The following ALB variants were observed in gnomAD, a reference collection of about 807,000 sequenced individuals.
The protein encoded by ALB is serum albumin.
Under a neutral mutation model 74.5 loss-of-function variants are expected in ALB, and 37 were observed. That is an observed-to-expected ratio of 0.50 (90% CI 0.38 to 0.65). ALB has a LOEUF of 0.65. Ranked by LOEUF, ALB falls within the 30% of genes least tolerant of loss-of-function variation. The pLI, the probability that ALB is intolerant of heterozygous loss-of-function variation, is 0.00. For synonymous variants in ALB, 249 were observed against 251.6 expected (o/e 0.99, Z 0.10); for missense variants, 685 against 718.7 (o/e 0.95, Z 0.54).
chr4:73,419,474 GT>G (rs11351486), intron 12 of ALB, 32 bp from the exon 13 acceptor site: 31,809 of 1,258,884 alleles, frequency 0.025, 81 homozygotes, highest in Middle Eastern at 0.043. Flanking sequence ...TGTTTTTTCT[GT>G]TTTTTTTTTT....
chr4:73,406,818 T>C, intron 3 of ALB, 57 bp downstream of exon 3: 1 of 1,598,038 alleles, frequency 6.3e-7, no homozygotes, highest in Non-Finnish European at 8.5e-7. Flanking sequence ...TCCCAAGCAT[T>C]TCAAAGGAAT....
At chr4:73,408,429 A>G (rs529534195) in intron 3 of ALB, among the ~76,000 whole-genome samples, 165 bp from the exon 4 acceptor site, 1 of 152,262 alleles carries the variant, frequency 6.6e-6, no homozygotes, top group East Asian at 1.9e-4. Flanking sequence ...TTATATAGAG[A>G]TGGTTAAATC....
rs1718838217 is a variant in ALB, at chr4:73,410,298, A to G, written c.616-14A>G. 6.2e-7 allele frequency: 1 copy of G among 1,606,606 alleles called. No homozygotes were observed. The highest frequency in any genetic ancestry group is 1.1e-5 in the South Asian group (1 of 90,948). On this transcript the variant is annotated splice_polypyrimidine_tract_variant and intron_variant, in intron 5 of 14. Coordinates refer to ENST00000295897, the MANE Select transcript of ALB (RefSeq NM_000477.7). ...TTTTTCTTCTAATTTTCATCAAATT[A>G]TTCCTTTTTGTAGCTCGATGAACTT... is the stretch of plus-strand genomic sequence containing the variant.
chr4:73,418,183 G>A lies in ALB; in HGVS notation c.1524G>A (p.Arg508=), dbSNP rs1374770580. 6.2e-7 allele frequency: 1 copy of A among 1,614,010 alleles called. No individual in the cohort carries two copies. The highest frequency in any genetic ancestry group is 1.1e-5 in the South Asian group (1 of 91,088). ...GCTGCACAGAATCCTTGGTGAACAG[G>A]CGACCATGCTTTTCAGCTCTGGAAG... The part of the protein sequence containing the change: ...TKCCTESLVN[R]RPCFSALEVD... The change falls in exon 12 of 15, where the codon AGG becomes AGA. Residue 508 remains arginine, a synonymous_variant. Transcript: ENST00000295897.
chr4:73,414,981 T>C (rs560070629), intron 8 of ALB, 54 bp from the exon 9 acceptor site: 1 of 1,597,652 alleles, frequency 6.3e-7, no homozygotes, highest in South Asian at 1.1e-5. Flanking sequence ...AGCTTTGTGA[T>C]ATTTTTTGTG....
rs1719134569 is a variant in ALB at position 73,421,253 on chromosome 4, C to A, written c.*185C>A. On this transcript the variant is annotated 3_prime_UTR_variant, in exon 15 of 15. Coordinates refer to ENST00000295897, the MANE Select transcript of ALB (RefSeq NM_000477.7). ...TCAATTAATAAAAAATGGAAAGAAT[C>A]TAATAGAGTGGTACAGCACTGTTAT... 1.7e-6 allele frequency: 1 copy of A among 592,202 alleles called. No homozygotes were observed. The allele number at this position is 592,202 out of a possible 1,614,324, so 36.7% of individuals were successfully genotyped here.
rs148571509 is a variant in ALB, at chr4:73,409,455, G to A, written c.583G>A (p.Ala195Thr). 2.0e-5 allele frequency: 32 copies of A among 1,613,886 alleles called. No homozygotes were observed. The highest frequency in any genetic ancestry group is 2.6e-5 in the Non-Finnish European group (31 of 1,179,870). ...YKAAFTECCQ[A>T]ADKAACLLPK... ...AGCTGCTTTTACAGAATGTTGCCAA[G>A]CTGCTGATAAAGCTGCCTGCCTGTT... The change falls in exon 5 of 15, where the codon GCT becomes ACT. Residue 195 changes from alanine (A) to threonine (T), a missense_variant. Coordinates refer to ENST00000295897, the MANE Select transcript of ALB (RefSeq NM_000477.7).
chr4:73,412,808 G>T (rs1718913728), intron 7 of ALB, among the ~76,000 whole-genome samples: 1 of 152,162 alleles, frequency 6.6e-6, no homozygotes, highest in South Asian at 2.1e-4. Flanking sequence ...GAGATTTTTG[G>T]AAATGATGTA....
intron 4 of ALB, 22 bp from the exon 5 acceptor site, chr4:73,409,331 CTG>C: frequency 1.2e-6 from 2 of 1,609,118 alleles, no homozygotes; most frequent in Non-Finnish European, 1.7e-6. Flanking sequence ...AGAAAAGTGA[CTG>C]TTTTTCTTTT....
intron 1 of ALB, 175 bp from the exon 2 acceptor site, chr4:73,404,941 T>C (rs1210735024): frequency 3.1e-6 from 2 of 650,234 alleles, no homozygotes; most frequent in Non-Finnish European, 5.5e-6. Context: ...ATTCTTCTGT[T>C]TAAAGGCAGA....
chr4:73,415,350 G>C (rs1718987038), intron 9 of ALB, 183 bp downstream of exon 9: 1 of 714,768 alleles, frequency 1.4e-6, no homozygotes, highest in Non-Finnish European at 2.3e-6. Flanking sequence ...ACAAAATTTA[G>C]ACTAGTTAGA....
At chr4:73,413,259 C>A in intron 7 of ALB, 161 bp from the exon 8 acceptor site, 2 of 703,242 alleles carry the variant, frequency 2.8e-6, no homozygotes, top group East Asian at 2.7e-5. Context: ...GTAGTCCTAT[C>A]TACATCTCCA....
chr4:73,404,407 G>T lies in ALB; in HGVS notation c.79+1G>T. ...AGGGGTGTGTTTCGTCGAGATGCAC[G>T]TAAGAAATCCATTTTTCTATTGTTC... On this transcript the variant is annotated splice_donor_variant, in intron 1 of 14. Coordinates refer to ENST00000295897, the MANE Select transcript of ALB (RefSeq NM_000477.7). LOFTEE classifies it high-confidence loss of function. 3 of 1,608,304 alleles carry T rather than the reference G, an allele frequency of 1.9e-6. No homozygotes were observed. The highest frequency in any genetic ancestry group is 2.6e-6 in the Non-Finnish European group (3 of 1,174,978).
chr4:73,420,271 T>A lies in ALB; in HGVS notation c.1803T>A (p.Ala601=). 1 of 1,613,246 alleles carries A rather than the reference T, an allele frequency of 6.2e-7. No homozygotes were observed. The highest frequency in any genetic ancestry group is 1.7e-4 in the Middle Eastern group (1 of 6,048). ...CFAEEGKKLV[A]ASQAALGL ...GTGTTCAGGGTAAAAAACTTGTTGC[T>A]GCAAGTCAAGCTGCCTTAGGCTTAT... Residue 601 remains alanine, a synonymous_variant, in exon 14 of 15, where the codon GCT becomes GCA. Coordinates refer to ENST00000295897, the MANE Select transcript of ALB (RefSeq NM_000477.7).
intron 8 of ALB, 98 bp from the exon 9 acceptor site, chr4:73,414,937 T>A: frequency 6.7e-7 from 1 of 1,487,192 alleles, no homozygotes; most frequent in South Asian, 1.1e-5. Context: ...TTAGTCAAAT[T>A]AAGACTTTTG....
Position 73,417,516 on chromosome 4 carries a change from A to T in ALB, c.1290-15A>T, listed in dbSNP as rs200085122. The T allele has an allele frequency of 5.1e-5, 83 of 1,613,900 alleles. No homozygotes were observed. In the African/African-American group the frequency reaches 9.2e-4, roughly 18 times the overall value. ...TTTCTTGCCTTGCTGAAAACACATG[A>T]CTTCTTTTTTTCAGGCTATTAGTTC... On this transcript the variant is annotated splice_polypyrimidine_tract_variant and intron_variant, in intron 10 of 14. Transcript: ENST00000295897.
At chr4:73,406,474 A>T (rs561884060) in intron 2 of ALB, among the ~76,000 whole-genome samples, 155 bp from the exon 3 acceptor site, 1 of 152,366 alleles carries the variant, frequency 6.6e-6, no homozygotes, top group African/African-American at 2.4e-5. Flanking sequence ...TCTAGGCCTC[A>T]GATCATACCT....
intron 3 of ALB, among the ~76,000 whole-genome samples, chr4:73,407,584 A>G (rs1577935549): frequency 6.6e-6 from 1 of 152,198 alleles, no homozygotes; most frequent in African/African-American, 2.4e-5. Context: ...CAGGAGAGCT[A>G]CTATCTCTTA....
chr4:73,407,960 A>C (rs1254315544), intron 3 of ALB, among the ~76,000 whole-genome samples: 2 of 152,200 alleles, frequency 1.3e-5, no homozygotes, highest in Non-Finnish European at 2.9e-5. Context: ...ATGAAATCTT[A>C]AAAATACATA....
Sources: gnomAD v4.1 joint callset for allele counts (sites outside exome capture counted in the v4.1 genomes callset) on GRCh38, gnomAD v4.1.1 for gene constraint, MANE v1.5 for transcripts, NCBI Gene and HGNC (gene_info 2026-07-23, HGNC 2026-07-21) for gene names.